MARCHF4: variants seen among roughly 807,000 people sequenced by gnomAD.
MARCHF4 encodes the protein membrane associated ring-CH-type finger 4, also known as E3 ubiquitin-protein ligase MARCHF4.
Under a neutral mutation model 43.9 loss-of-function variants are expected in MARCHF4, and 14 were observed. The observed-to-expected ratio is 0.32, with a 90% CI of 0.21 to 0.50. The LOEUF is 0.50. Ranked by LOEUF, MARCHF4 falls within the 20% of genes least tolerant of loss-of-function variation. The pLI is 0.98. For synonymous variants in MARCHF4, 226 were observed against 213.3 expected (o/e 1.06, Z -0.52); for missense variants, 468 against 536.7 (o/e 0.87, Z 1.27).
At chr2:216,297,796 TC>T (rs1691421038) in intron 1 of MARCHF4, among the ~76,000 whole-genome samples, 1 of 152,032 alleles carries the variant, frequency 6.6e-6, no homozygotes, top group Non-Finnish European at 1.5e-5. Flanking sequence ...ACCACACCCC[TC>T]CCCTATGGTC....
At chr2:216,304,537 C>T (rs1047884912) in intron 1 of MARCHF4, among the ~76,000 whole-genome samples, 1 of 152,228 alleles carries the variant, frequency 6.6e-6, no homozygotes, top group African/African-American at 2.4e-5. Context: ...CACCTCTTCT[C>T]TTCTTGTCCT....
intron 1 of MARCHF4, among the ~76,000 whole-genome samples, chr2:216,320,525 C>A (rs1224044012): frequency 6.6e-6 from 1 of 152,116 alleles, no homozygotes. Context: ...CAATGTCTAC[C>A]CAATTCCAAG....
intron 1 of MARCHF4, among the ~76,000 whole-genome samples, chr2:216,299,040 A>G (rs1691441191): frequency 6.6e-6 from 1 of 152,026 alleles, no homozygotes; most frequent in Non-Finnish European, 1.5e-5. Flanking sequence ...CCTCATTCTC[A>G]TGGGCAACTG....
At chr2:216,321,354 A>G (rs1220441446) in intron 1 of MARCHF4, among the ~76,000 whole-genome samples, 1 of 152,176 alleles carries the variant, frequency 6.6e-6, no homozygotes, top group Non-Finnish European at 1.5e-5. Context: ...CAATTAACAT[A>G]TGTATATCCA....
chr2:216,307,301 G>T (rs1691603313), intron 1 of MARCHF4, among the ~76,000 whole-genome samples: 1 of 152,144 alleles, frequency 6.6e-6, no homozygotes, highest in African/African-American at 2.4e-5. Flanking sequence ...GAAGAGCATG[G>T]TTTCTCAGTG....
chr2:216,343,160 G>A lies in MARCHF4; in HGVS notation c.516+26585C>T, dbSNP rs116739782. On this transcript the variant is annotated intron_variant, in intron 1 of 3. Transcript: ENST00000273067. ...TATTTCATTCAGCAGGCAATAGAGA[G>A]CCATGGAAGATTTGCTAGTGGGGTA... is the stretch of plus-strand genomic sequence containing the variant. Among the ~76,000 whole-genome samples, 572 of 152,288 alleles carry A rather than the reference G, an allele frequency of 3.8e-3. 4 individuals are homozygous for A. The highest frequency in any genetic ancestry group is 0.013 in the African/African-American group (547 of 41,558).
intron 3 of MARCHF4, among the ~76,000 whole-genome samples, chr2:216,275,743 G>A (rs183587849): frequency 6.6e-6 from 1 of 152,304 alleles, no homozygotes; most frequent in East Asian, 1.9e-4. Flanking sequence ...TTATTTCCCT[G>A]CTCTGTTACC....
At chr2:216,305,731 T>A (rs1457498392) in intron 1 of MARCHF4, among the ~76,000 whole-genome samples, 1 of 152,186 alleles carries the variant, frequency 6.6e-6, no homozygotes, top group Non-Finnish European at 1.5e-5. Context: ...AGACTGGTTT[T>A]TATCACAGGC....
intron 1 of MARCHF4, among the ~76,000 whole-genome samples, chr2:216,319,263 G>A (rs186937426): frequency 5.4e-4 from 82 of 152,236 alleles, no homozygotes; most frequent in African/African-American, 1.5e-3. Context: ...AGCCGAAATC[G>A]TGCCACTGCA....
At chr2:216,326,837 G>A (rs1460090464) in intron 1 of MARCHF4, among the ~76,000 whole-genome samples, 1 of 151,022 alleles carries the variant, frequency 6.6e-6, no homozygotes, top group Non-Finnish European at 1.5e-5. Flanking sequence ...GGGAGGGATA[G>A]CATTGGGAGA....
At chr2:216,321,870 C>A (rs1169326846) in intron 1 of MARCHF4, 1 of 152,180 alleles carries the variant, frequency 6.6e-6, no homozygotes, top group Non-Finnish European at 1.5e-5. Flanking sequence ...AAGAATCAGC[C>A]TTGGGCATCT....
chr2:216,336,212 T>C (rs1293885639), intron 1 of MARCHF4, among the ~76,000 whole-genome samples: 1 of 151,992 alleles, frequency 6.6e-6, no homozygotes, highest in Non-Finnish European at 1.5e-5. Flanking sequence ...ATTTTAAGTG[T>C]GGCAACAGAA....
chr2:216,344,099 T>C (rs1213164302), intron 1 of MARCHF4, among the ~76,000 whole-genome samples: 1 of 152,142 alleles, frequency 6.6e-6, no homozygotes, highest in Non-Finnish European at 1.5e-5. Context: ...TTTCAGAAGA[T>C]AGTCTTACTA....
chr2:216,332,330 T>TG (rs1472504089), intron 1 of MARCHF4, among the ~76,000 whole-genome samples: 1 of 149,776 alleles, frequency 6.7e-6, no homozygotes, highest in Non-Finnish European at 1.5e-5. Flanking sequence ...AGGTGGAAGT[T>TG]GCAGTGCGCC....
At chr2:216,348,847 G>C (rs1692359352) in intron 1 of MARCHF4, among the ~76,000 whole-genome samples, 1 of 152,008 alleles carries the variant, frequency 6.6e-6, no homozygotes, top group Non-Finnish European at 1.5e-5. Flanking sequence ...GGAAATTATG[G>C]TACACACTAA....
chr2:216,330,271 A>C (rs1426233880), intron 1 of MARCHF4, among the ~76,000 whole-genome samples: 1 of 152,194 alleles, frequency 6.6e-6, no homozygotes, highest in Admixed American at 6.5e-5. Flanking sequence ...TTTTTCATTG[A>C]TAATGATTTT....
chr2:216,352,956 T>C (rs997630214), intron 1 of MARCHF4, among the ~76,000 whole-genome samples: 1 of 152,138 alleles, frequency 6.6e-6, no homozygotes, highest in Non-Finnish European at 1.5e-5. Flanking sequence ...TCAATAAATA[T>C]TTGCAGAATG....
rs1377865844 is a variant in MARCHF4, at chr2:216,371,328, C to G, written c.-1068G>C. On this transcript the variant is annotated 5_prime_UTR_variant, in exon 1 of 4. Transcript: ENST00000273067. ...CGGCAAATCCGTGGCGCCCTCCCCT[C>G]GGTTCCATCAAAGGTCCCTTCGGTC... 1.3e-5 allele frequency: 2 copies of G among 152,842 alleles called. No homozygotes were observed. Among genetic ancestry groups the G allele is most frequent in the Non-Finnish European group, 2.9e-5 (2 of 68,204 alleles). The allele number at this position is 152,842 out of a possible 1,614,324, so 9.5% of individuals were successfully genotyped here. A position where few individuals can be genotyped will look rare whatever the true frequency, so the allele number is the denominator to read the frequency against.
intron 1 of MARCHF4, among the ~76,000 whole-genome samples, chr2:216,358,512 A>C (rs1692533361): frequency 6.6e-6 from 1 of 152,210 alleles, no homozygotes; most frequent in African/African-American, 2.4e-5. Flanking sequence ...ATAAGGCATA[A>C]ACAAGGACAG....
Sources: gnomAD v4.1 joint callset for allele counts (sites outside exome capture counted in the v4.1 genomes callset) on GRCh38, gnomAD v4.1.1 for gene constraint, MANE v1.5 for transcripts, NCBI Gene and HGNC (gene_info 2026-07-23, HGNC 2026-07-21) for gene names.